WASHC2C: variants seen among roughly 807,000 people sequenced by gnomAD.
WASHC2C encodes the protein WASH complex subunit 2C, also known as Vaccinia Penetration Factor.
Under a neutral mutation model 142.2 loss-of-function variants are expected in WASHC2C, and 73 were observed. The observed-to-expected ratio is 0.51, with a 90% CI of 0.43 to 0.62. The LOEUF (loss-of-function observed/expected upper bound fraction) is 0.62, where lower values mean the gene tolerates loss of function less well. Among genes scored for constraint, WASHC2C ranks in the 20% least tolerant of loss-of-function variants. WASHC2C has a pLI of 0.00. For missense variants in WASHC2C, 969 were observed against 1,531.7 expected, an observed-to-expected ratio of 0.63 and a Z score of 6.13; for synonymous variants, 337 against 565.5, an observed-to-expected ratio of 0.60 and a Z score of 5.73.
At chr10:45,743,843 GAT>G (rs1308066657) in intron 6 of WASHC2C, among the ~76,000 whole-genome samples, 2 of 148,588 alleles carry the variant, frequency 1.3e-5, no homozygotes, top group Admixed American at 6.7e-5. Flanking sequence ...CCGCCTCCCG[GAT>G]TTAAGCGATT....
intron 20 of WASHC2C, chr10:45,771,547 G>T (rs1381380475): frequency 1.0e-6 from 1 of 982,158 alleles, no homozygotes; most frequent in African/African-American, 1.8e-5. Context: ...CCCACACAAG[G>T]TCATAAATCT....
At chr10:45,743,844 A>G in intron 6 of WASHC2C, among the ~76,000 whole-genome samples, 2 of 136,216 alleles carry the variant, frequency 1.5e-5, no homozygotes, top group Non-Finnish European at 1.6e-5. Flanking sequence ...CGCCTCCCGG[A>G]TTTAAGCGAT....
chr10:45,792,393 G>T lies in WASHC2C; in HGVS notation c.4019G>T (p.Gly1340Val). 1 of 1,564,698 alleles carries T rather than the reference G, an allele frequency of 6.4e-7. No individual in the cohort carries two copies. Among genetic ancestry groups the T allele is most frequent in the South Asian group, 1.1e-5 (1 of 88,582 alleles). Reference sequence around the variant, plus strand: ...GATGATCCCCTGAATGCCTTTGGAGGCCAGTAGAGCACACAGGGTATCCAC... The same window carrying T: ...GATGATCCCCTGAATGCCTTTGGAGTCCAGTAGAGCACACAGGGTATCCAC... ...IFDDPLNAFG[G>V]Q The change falls in exon 31 of 31, where the codon GGC becomes GTC. Residue 1340 changes from glycine to valine, a missense_variant. By Grantham distance (109) the Gly-to-Val change is moderately radical. Transcript: ENST00000623400.
At chr10:45,768,516 G>A (rs1312931738) in intron 19 of WASHC2C, among the ~76,000 whole-genome samples, 3 of 152,310 alleles carry the variant, frequency 2.0e-5, no homozygotes, top group African/African-American at 7.2e-5. Flanking sequence ...CTGGCTTGTG[G>A]ACTCCAGTTT....
rs369211742 is a variant in WASHC2C at position 45,727,415 on chromosome 10, A to G, written c.4-2A>G. 6.2e-7 allele frequency: 1 copy of G among 1,611,238 alleles called. No individual in the cohort carries two copies. ...CCTCTCTTCTCGTTTTTTTCGCTGC[A>G]GATGAACCGGACGACCCCCGACCAG... is the stretch of plus-strand genomic sequence containing the variant. On this transcript the variant is annotated splice_acceptor_variant, in intron 1 of 30. Transcript: ENST00000623400. LOFTEE classifies it high-confidence loss of function.
chr10:45,747,624 T>A (rs2134465826), intron 8 of WASHC2C, among the ~76,000 whole-genome samples: 1 of 151,246 alleles, frequency 6.6e-6, no homozygotes, highest in East Asian at 2.0e-4. Context: ...AGAGTCTCGC[T>A]CTGTTGCCTA....
intron 19 of WASHC2C, 51 bp from the exon 20 acceptor site, chr10:45,769,398 A>G (rs1172683623): frequency 5.4e-5 from 82 of 1,523,386 alleles, no homozygotes; most frequent in South Asian, 1.9e-4. Flanking sequence ...GATTATAGGT[A>G]TGAGCCACTG....
upstream of WASHC2C, chr10:45,727,239 G>A (rs1479389345): frequency 6.6e-6 from 10 of 1,525,548 alleles, no homozygotes; most frequent in Non-Finnish European, 8.8e-6. Flanking sequence ...GGGCAGCTTG[G>A]CTGGGGCTAG....
In WASHC2C at chr10:45,762,845, T is replaced by G. The variant is rs571373955; in HGVS notation, c.1636-543T>G. 5.7e-3 allele frequency among the ~76,000 whole-genome samples: 860 copies of G among 152,166 alleles called. 5 individuals carry two copies. Among genetic ancestry groups the G allele is most frequent in the Middle Eastern group, 0.027 (8 of 292 alleles). On this transcript the variant is annotated intron_variant, in intron 17 of 30. Transcript: ENST00000623400. The stretch of plus-strand genomic sequence containing the variant: ...GGTGTGAATCCGGGAGGCGGAGCTT[T>G]CAGTGAGCCGAGATTGCACCACTGC...
In WASHC2C at chr10:45,789,208, C is replaced by T; in HGVS notation, c.3425C>T (p.Ser1142Phe). 1 of 1,612,054 alleles carries T rather than the reference C, an allele frequency of 6.2e-7. No homozygotes were observed. Among genetic ancestry groups the T allele is most frequent in the South Asian group, 1.1e-5 (1 of 90,994 alleles). Residue 1142 changes from serine (S) to phenylalanine (F), a missense_variant, in exon 29 of 31, where the codon TCT becomes TTT. Ser to Phe is a radical substitution (Grantham distance 155, BLOSUM62 -2). Coordinates refer to ENST00000623400, the MANE Select transcript of WASHC2C (RefSeq NM_001330074.2). ...SGDIFSTGTG[S>F]QSVERTKPKA... The stretch of plus-strand genomic sequence containing the variant: ...GACATTTTTTCCACGGGCACTGGAT[C>T]TCAGTCCGTGGAGAGAACAAAACCC...
chr10:45,773,915 A>AAAC (rs2056853802), intron 21 of WASHC2C, among the ~76,000 whole-genome samples: 1 of 144,654 alleles, frequency 6.9e-6, no homozygotes, highest in Non-Finnish European at 1.5e-5. Flanking sequence ...AAAAAAAAAA[A>AAAC]GCGTAAACAC....
In WASHC2C at chr10:45,789,351, C is replaced by A. The variant is rs2058260007; in HGVS notation, c.3568C>A (p.Pro1190Thr). ...TGATGATCTCTTTCAGTCTGCTAAA[C>A]CAAAACCAGCAAAGAAAACAAATCC... ...SDDDLFQSAK[P>T]KPAKKTNPFP... Residue 1190 changes from proline (P) to threonine (T), a missense_variant, in exon 29 of 31, where the codon CCA becomes ACA. Physicochemically the swap from Pro to Thr is conservative, Grantham distance 38. Transcript: ENST00000623400. 6.2e-7 allele frequency: 1 copy of A among 1,611,946 alleles called. No homozygotes were observed. The highest frequency in any genetic ancestry group is 1.3e-5 in the African/African-American group (1 of 74,876).
chr10:45,773,917 C>T (rs1485885797), intron 21 of WASHC2C, among the ~76,000 whole-genome samples: 7 of 108,778 alleles, frequency 6.4e-5, no homozygotes, highest in East Asian at 5.0e-4. Context: ...AAAAAAAAAG[C>T]GTAAACACGT....
upstream of WASHC2C, chr10:45,727,072 A>G: frequency 8.0e-7 from 1 of 1,257,100 alleles, no homozygotes; most frequent in Non-Finnish European, 1.0e-6. Context: ...TCCTGGCGTC[A>G]GCCCCTATCC....
intron 20 of WASHC2C, among the ~76,000 whole-genome samples, chr10:45,770,252 A>AAG: frequency 6.9e-6 from 1 of 143,962 alleles, no homozygotes; most frequent in Non-Finnish European, 1.5e-5. Context: ...AAAAAAAAAA[A>AAG]AAAAAAGTTA....
intron 20 of WASHC2C, among the ~76,000 whole-genome samples, chr10:45,772,137 G>T (rs1156913840): frequency 6.6e-6 from 1 of 152,158 alleles, no homozygotes; most frequent in African/African-American, 2.4e-5. Flanking sequence ...CTTGAAAGAA[G>T]CTGGTCACAG....
intron 20 of WASHC2C, among the ~76,000 whole-genome samples, chr10:45,771,088 T>C (rs2056536773): frequency 6.6e-6 from 1 of 151,612 alleles, no homozygotes; most frequent in Non-Finnish European, 1.5e-5. Flanking sequence ...CCTTCCCGGC[T>C]GGGCGCAGTG....
chr10:45,787,101 C>G lies in WASHC2C; in HGVS notation c.2941C>G (p.Pro981Ala), dbSNP rs781837564. The G allele has an allele frequency of 5.6e-6, 9 of 1,604,108 alleles. 1 individual carries two copies. In the South Asian group the frequency reaches 9.9e-5, roughly 18 times the overall value. ...TAASQISEVKPVLPELAFPSS... is the reference protein window; with the variant it reads ...TAASQISEVKAVLPELAFPSS... ...GGCTTCCCAGATCTCTGAAGTAAAG[C>G]CTGTTTTGCCAGAATTGGCTTTTCC... The change falls in exon 28 of 31, where the codon CCT becomes GCT. Residue 981 changes from proline (P) to alanine (A), a missense_variant. Pro to Ala is a conservative substitution (Grantham distance 27). Transcript: ENST00000623400.
In WASHC2C at chr10:45,727,483, T is replaced by C; in HGVS notation, c.70T>C (p.Ser24Pro). The C allele has an allele frequency of 6.2e-7, 1 of 1,607,934 alleles. No individual in the cohort carries two copies. The highest frequency in any genetic ancestry group is 8.5e-7 in the Non-Finnish European group (1 of 1,178,428). ...ASEPVWERPW[S>P]VEEIRRSSQS... The stretch of plus-strand genomic sequence containing the variant: ...GGAGCCCGTGTGGGAGCGGCCGTGG[T>C]CGGTGGAGGAGATCCGCAGGAGCAG... Residue 24 changes from serine (S) to proline (P), a missense_variant, in exon 2 of 31, where the codon TCG becomes CCG. Ser to Pro is a moderately conservative substitution (Grantham distance 74). Coordinates refer to ENST00000623400, the MANE Select transcript of WASHC2C (RefSeq NM_001330074.2).
Sources: gnomAD v4.1 joint callset for allele counts (sites outside exome capture counted in the v4.1 genomes callset) on GRCh38, gnomAD v4.1.1 for gene constraint, MANE v1.5 for transcripts, NCBI Gene and HGNC (gene_info 2026-07-23, HGNC 2026-07-21) for gene names.